CDH13: variants seen among roughly 807,000 people sequenced by gnomAD.
CDH13 encodes cadherin 13.
Under a neutral mutation model 63.8 loss-of-function variants are expected in CDH13, and 24 were observed. That is an observed-to-expected ratio of 0.38 (90% confidence interval 0.27 to 0.53). The LOEUF (loss-of-function observed/expected upper bound fraction) is 0.53, where lower values mean the gene tolerates loss of function less well. CDH13 is among the 20% of genes least tolerant of loss of function. The pLI, the probability that CDH13 is intolerant of heterozygous loss-of-function variation, is 0.85. For missense variants in CDH13, 1,049 were observed against 903.1 expected (o/e 1.16, Z -2.07); for synonymous variants, 503 against 355.3 (o/e 1.42, Z -4.67).
chr16:83,421,494 A>G (rs886722435), intron 6 of CDH13, among the ~76,000 whole-genome samples: 4 of 152,184 alleles, frequency 2.6e-5, no homozygotes, highest in African/African-American at 9.7e-5. Flanking sequence ...TGATGGTTGC[A>G]AGACGGCTGA....
intron 1 of CDH13, among the ~76,000 whole-genome samples, chr16:82,669,202 T>C (rs1912954753): frequency 6.6e-6 from 1 of 152,198 alleles, no homozygotes; most frequent in Non-Finnish European, 1.5e-5. Flanking sequence ...ACCATTCCTC[T>C]CTGGTAGCCT....
At chr16:83,750,800 T>G (rs1473686087) in intron 11 of CDH13, among the ~76,000 whole-genome samples, 2 of 152,148 alleles carry the variant, frequency 1.3e-5, no homozygotes, top group Non-Finnish European at 2.9e-5. Flanking sequence ...GATGCTTCAG[T>G]CTTGGACTTC....
At chr16:82,860,597 A>G (rs954900988) in intron 2 of CDH13, among the ~76,000 whole-genome samples, 4 of 152,014 alleles carry the variant, frequency 2.6e-5, no homozygotes, top group African/African-American at 4.8e-5. Context: ...GCAAAATTTG[A>G]TTAGCCCCTC....
At chr16:82,785,931 T>C (rs538342513) in intron 1 of CDH13, among the ~76,000 whole-genome samples, 47 of 152,356 alleles carry the variant, frequency 3.1e-4, no homozygotes, top group South Asian at 1.0e-3. Flanking sequence ...TTCTTATCCC[T>C]GATGCACGTG....
chr16:83,128,907 C>T (rs1439315347), intron 4 of CDH13, among the ~76,000 whole-genome samples: 1 of 152,218 alleles, frequency 6.6e-6, no homozygotes, highest in African/African-American at 2.4e-5. Context: ...TGGTAGGCTA[C>T]TAACTAGACA....
chr16:82,715,946 T>G (rs1453556773), intron 1 of CDH13, among the ~76,000 whole-genome samples: 6 of 152,204 alleles, frequency 3.9e-5, no homozygotes, highest in Non-Finnish European at 8.8e-5. Context: ...TATGAGCTCT[T>G]TGGTAGAAAC....
intron 4 of CDH13, among the ~76,000 whole-genome samples, chr16:83,186,115 ATTTTATTTTATTTTATTTTATT>A (rs1186785624): frequency 6.9e-6 from 1 of 144,006 alleles, no homozygotes; most frequent in African/African-American, 2.6e-5. Flanking sequence ...ATTTTATTTT[ATTTTATTTTATTTTATTTTATT>A]TTATTTTATT....
chr16:83,432,299 G>C (rs2072143547), intron 6 of CDH13, among the ~76,000 whole-genome samples: 1 of 152,188 alleles, frequency 6.6e-6, no homozygotes, highest in Non-Finnish European at 1.5e-5. Context: ...AGCTGCAGTA[G>C]CTCCTTCTAG....
intron 3 of CDH13, among the ~76,000 whole-genome samples, chr16:83,102,209 A>G (rs1016206251): frequency 1.3e-5 from 2 of 152,218 alleles, no homozygotes; most frequent in Admixed American, 6.5e-5. Flanking sequence ...CACAGTTCTG[A>G]TGACACCTTG....
chr16:82,635,959 C>T (rs541616418), intron 1 of CDH13, among the ~76,000 whole-genome samples: 53 of 152,140 alleles, frequency 3.5e-4, no homozygotes, highest in Middle Eastern at 3.4e-3. Context: ...CCTTCTGCCA[C>T]GATTGTAAGT....
chr16:83,236,234 C>T (rs1403938650), intron 5 of CDH13, among the ~76,000 whole-genome samples: 1 of 66,556 alleles, frequency 1.5e-5, no homozygotes, highest in Non-Finnish European at 2.9e-5. Context: ...CACACACGCA[C>T]ATGCACACAC....
intron 6 of CDH13, among the ~76,000 whole-genome samples, chr16:83,443,099 T>C (rs2151497823): frequency 6.6e-6 from 1 of 152,358 alleles, no homozygotes; most frequent in South Asian, 2.1e-4. Context: ...AGACTGAAGT[T>C]TGCAACTGAA....
intron 7 of CDH13, among the ~76,000 whole-genome samples, chr16:83,512,490 G>GAAA (rs2074595793): frequency 1.3e-5 from 2 of 150,798 alleles, no homozygotes; most frequent in Admixed American, 1.3e-4. Flanking sequence ...CCAATATGAT[G>GAAA]AAACCGATCT....
chr16:83,608,491 G>C (rs1033462420), intron 8 of CDH13, among the ~76,000 whole-genome samples: 1 of 151,892 alleles, frequency 6.6e-6, no homozygotes, highest in East Asian at 1.9e-4. Flanking sequence ...AGCATTTTTT[G>C]TTTTTTGAGA....
Position 83,287,497 on chromosome 16 carries a change from C to T in CDH13, c.637-57365C>T, listed in dbSNP as rs116090110. Among the ~76,000 whole-genome samples the T allele has an allele frequency of 3.9e-3, 601 of 152,238 alleles. 5 individuals carry two copies. The highest frequency in any genetic ancestry group is 0.011 in the African/African-American group (441 of 41,550). ...TCAGGGGCAGCATTAGATTCTCATA[C>T]GAGCATGAACCTTATTGCAAACTGT... is the stretch of plus-strand genomic sequence containing the variant. On this transcript the variant is annotated intron_variant, in intron 5 of 13. Coordinates refer to ENST00000567109, the MANE Select transcript of CDH13 (RefSeq NM_001257.5).
chr16:83,132,460 T>C (rs1008767389), intron 4 of CDH13, among the ~76,000 whole-genome samples: 1 of 129,388 alleles, frequency 7.7e-6, no homozygotes, highest in African/African-American at 2.8e-5. Flanking sequence ...CCCCTTTTTT[T>C]TTTTTTGAGA....
chr16:83,453,587 C>T (rs59256189), intron 6 of CDH13, among the ~76,000 whole-genome samples: 31,206 of 151,970 alleles, frequency 0.21, 3,611 homozygotes, highest in Non-Finnish European at 0.26. Context: ...ACGAAGTGGA[C>T]GGAGTCAGGG....
At chr16:83,593,459 G>A (rs1341702307) in intron 7 of CDH13, among the ~76,000 whole-genome samples, 1 of 152,034 alleles carries the variant, frequency 6.6e-6, no homozygotes, top group Admixed American at 6.6e-5. Context: ...CTTGAAATCA[G>A]CTATGGTAGG....
intron 5 of CDH13, among the ~76,000 whole-genome samples, chr16:83,335,444 G>C (rs928423624): frequency 6.6e-6 from 1 of 152,054 alleles, no homozygotes; most frequent in Non-Finnish European, 1.5e-5. Flanking sequence ...TGTTTAGCTG[G>C]AGAGATGGCA....
Sources: gnomAD v4.1 joint callset for allele counts (sites outside exome capture counted in the v4.1 genomes callset) on GRCh38, gnomAD v4.1.1 for gene constraint, MANE v1.5 for transcripts, NCBI Gene and HGNC (gene_info 2026-07-23, HGNC 2026-07-21) for gene names.